Variants in RARB observed in about 807,000 individuals in gnomAD.
The protein encoded by RARB is HBV-activated protein.
A neutral mutation model predicts 51.9 loss-of-function variants in RARB; 17 were observed. The ratio of observed to expected loss-of-function variants is 0.33; its 90% CI spans 0.22 to 0.49. The LOEUF is 0.49. Ranked by LOEUF, RARB falls within the 20% of genes least tolerant of loss-of-function variation. RARB has a pLI of 0.99. For synonymous variants in RARB, 215 were observed against 195.4 expected, an observed-to-expected ratio of 1.10 and a Z score of -0.84; for missense variants, 369 against 550.8, an observed-to-expected ratio of 0.67 and a Z score of 3.30.
intron 3 of RARB, among the ~76,000 whole-genome samples, chr3:25,535,469 G>A (rs1420958692): frequency 6.9e-6 from 1 of 145,972 alleles, no homozygotes; most frequent in Non-Finnish European, 1.5e-5. Flanking sequence ...GTGCAGGTTT[G>A]TTACATAGGT....
intron 3 of RARB, among the ~76,000 whole-genome samples, chr3:25,120,686 C>G (rs192189163): frequency 1.3e-5 from 2 of 152,076 alleles, no homozygotes; most frequent in Admixed American, 6.6e-5. Flanking sequence ...TTAATGATAT[C>G]CAGAATTTGG....
chr3:24,995,120 A>G (rs1033617779), intron 2 of RARB, among the ~76,000 whole-genome samples: 3 of 152,092 alleles, frequency 2.0e-5, no homozygotes, highest in African/African-American at 4.8e-5. Flanking sequence ...CCAATTCATG[A>G]ACGTGAGATG....
chr3:25,593,780 C>T, intron 6 of RARB, 73 bp downstream of exon 6: 1 of 1,445,226 alleles, frequency 6.9e-7, no homozygotes, highest in African/African-American at 1.4e-5. Context: ...TGAAAAATTC[C>T]TCATTTCCCT....
chr3:25,422,930 G>C lies in RARB; in HGVS notation c.179-38263G>C, dbSNP rs117432540. ...AACTACAGCCCATGAGCAAAACCTAGTCCACTATCAGTTTTTGTAAATTAA... is the reference window on the plus strand; with the variant it reads ...AACTACAGCCCATGAGCAAAACCTACTCCACTATCAGTTTTTGTAAATTAA... On this transcript the variant is annotated intron_variant, in intron 5 of 11. Transcript: ENST00000383772. Among the ~76,000 whole-genome samples, 52 of 152,258 alleles carry C rather than the reference G, an allele frequency of 3.4e-4. 1 individual carries two copies. In the East Asian group the frequency reaches 7.5e-3, roughly 22 times the overall value.
At chr3:25,391,319 A>G (rs1706950568) in intron 5 of RARB, among the ~76,000 whole-genome samples, 2 of 152,042 alleles carry the variant, frequency 1.3e-5, no homozygotes, top group Non-Finnish European at 2.9e-5. Context: ...GGCTGGTTCC[A>G]TATTTTTGCA....
chr3:25,010,589 T>G (rs1359956804), intron 2 of RARB, among the ~76,000 whole-genome samples: 2 of 152,098 alleles, frequency 1.3e-5, no homozygotes, highest in Non-Finnish European at 2.9e-5. Flanking sequence ...TGGAGGATCT[T>G]CTATCTGGTT....
intron 5 of RARB, among the ~76,000 whole-genome samples, chr3:25,382,719 G>T (rs1433059198): frequency 1.3e-5 from 2 of 152,120 alleles, no homozygotes; most frequent in African/African-American, 4.8e-5. Context: ...TTAGCCGGGT[G>T]TGGCGGTGTG....
Position 25,110,108 on chromosome 3 carries a change from C to T in RARB, c.-327-22053C>T, listed in dbSNP as rs73047736. 7.9e-3 allele frequency among the ~76,000 whole-genome samples: 1,203 copies of T among 152,274 alleles called. 4 individuals are homozygous for T. Among genetic ancestry groups the T allele is most frequent in the Middle Eastern group, 0.024 (7 of 294 alleles). On this transcript the variant is annotated intron_variant, in intron 3 of 11. Coordinates refer to the RARB transcript ENST00000383772. ...AGTGTGGTTTCTCTCTCCTGACTGA[C>T]TGAAACGTTCATACCAGGAGTGGTA...
intron 4 of RARB, among the ~76,000 whole-genome samples, chr3:25,132,527 G>A (rs189733042): frequency 6.6e-5 from 10 of 151,924 alleles, no homozygotes; most frequent in Admixed American, 3.9e-4. Flanking sequence ...GCTAAGATGC[G>A]TTCCCTGTAT....
rs183505239 is a variant in RARB, at chr3:25,350,911, T to G, written c.179-110282T>G. Among the ~76,000 whole-genome samples the G allele has an allele frequency of 8.0e-4, 122 of 152,304 alleles. 1 individual carries two copies. The Middle Eastern group carries it at 0.014, about 17-fold the overall frequency. ...CTGCCAGTTCCCATGGTGTCATTGTTTGGAGGTGTCAATGGACATCAATCA... is the reference window on the plus strand; with the variant it reads ...CTGCCAGTTCCCATGGTGTCATTGTGTGGAGGTGTCAATGGACATCAATCA... On this transcript the variant is annotated intron_variant, in intron 5 of 11. Coordinates refer to the RARB transcript ENST00000383772.
At position 25,564,507 on chromosome 3, in the gene RARB, A is replaced by G. The variant is rs151252488; in HGVS notation, c.449-5251A>G. On this transcript the variant is annotated intron_variant, in intron 3 of 7. Coordinates refer to ENST00000330688, the MANE Select transcript of RARB (RefSeq NM_000965.5). ...GTTAGTGATTCCCCCGCAGACCCCA[A>G]CATGATAGTGAGACCTTTAAGTTCT... Among the ~76,000 whole-genome samples, 286 of 152,322 alleles carry G rather than the reference A, an allele frequency of 1.9e-3. 4 individuals carry two copies. The highest frequency in any genetic ancestry group is 6.8e-3 in the Middle Eastern group (2 of 294).
chr3:25,147,515 T>C (rs759223432), intron 4 of RARB, among the ~76,000 whole-genome samples: 3 of 152,212 alleles, frequency 2.0e-5, no homozygotes, highest in Non-Finnish European at 2.9e-5. Context: ...TGAAGTGTTA[T>C]ATCTCATTTT....
chr3:25,018,004 T>C (rs911768034), intron 2 of RARB, among the ~76,000 whole-genome samples: 1 of 152,144 alleles, frequency 6.6e-6, no homozygotes, highest in African/African-American at 2.4e-5. Context: ...ACCAATTTGC[T>C]CACACCTTGG....
chr3:25,573,542 T>C (rs1405099050), intron 4 of RARB, among the ~76,000 whole-genome samples: 1 of 152,236 alleles, frequency 6.6e-6, no homozygotes, highest in African/African-American at 2.4e-5. Flanking sequence ...CTGACCGTGC[T>C]CTTCATTTGT....
chr3:25,566,746 A>T (rs1009497387), intron 3 of RARB, among the ~76,000 whole-genome samples: 1 of 152,214 alleles, frequency 6.6e-6, no homozygotes, highest in Non-Finnish European at 1.5e-5. Context: ...GTGAAGCAGA[A>T]TGCTTAGGAG....
chr3:25,441,316 T>A, intron 1 of RARB: 1 of 381,818 alleles, frequency 2.6e-6, no homozygotes, highest in South Asian at 2.3e-5. Context: ...TCCTGAGCAA[T>A]TTCTTGCACC....
At chr3:25,557,228 A>C (rs1198886323) in intron 3 of RARB, among the ~76,000 whole-genome samples, 1 of 152,036 alleles carries the variant, frequency 6.6e-6, no homozygotes, top group African/African-American at 2.4e-5. Flanking sequence ...TTATGTCTAC[A>C]TCAGCATCTG....
chr3:25,590,686 A>AT (rs1187611986), intron 5 of RARB, among the ~76,000 whole-genome samples: 1 of 152,068 alleles, frequency 6.6e-6, no homozygotes, highest in African/African-American at 2.4e-5. Context: ...GGCCTGGCTA[A>AT]TTTTTGTACT....
At chr3:25,143,957 T>A (rs9310772) in intron 4 of RARB, among the ~76,000 whole-genome samples, 1 of 152,112 alleles carries the variant, frequency 6.6e-6, no homozygotes, top group African/African-American at 2.4e-5. Context: ...CAGCTCTAAG[T>A]GGGAGAAATC....
Sources: allele counts gnomAD v4.1 joint callset (sites outside exome capture counted in the v4.1 genomes callset), GRCh38; gene constraint gnomAD v4.1.1; transcripts MANE v1.5; gene names NCBI Gene and HGNC (gene_info 2026-07-23, HGNC 2026-07-21).